CNTNAP2: variants seen among roughly 807,000 people sequenced by gnomAD.
CNTNAP2 encodes contactin-associated protein-like 2.
Under a neutral mutation model 155.2 loss-of-function variants are expected in CNTNAP2, and 98 were observed. That is an observed-to-expected ratio of 0.63 (90% confidence interval 0.54 to 0.75). CNTNAP2 has a LOEUF of 0.75. Among genes scored for constraint, CNTNAP2 ranks in the 30% least tolerant of loss-of-function variants. The pLI is 0.00. For synonymous variants in CNTNAP2, 651 were observed against 631.2 expected (o/e 1.03, Z -0.47); for missense variants, 1,727 against 1,688.1 (o/e 1.02, Z -0.40).
chr7:148,387,845 T>C (rs1799250821), intron 22 of CNTNAP2, among the ~76,000 whole-genome samples: 2 of 151,806 alleles, frequency 1.3e-5, no homozygotes, highest in South Asian at 4.2e-4. Context: ...AGGGGCTGGG[T>C]AAAATAAAGC....
At chr7:148,153,838 G>A (rs962787151) in intron 17 of CNTNAP2, among the ~76,000 whole-genome samples, 4 of 152,212 alleles carry the variant, frequency 2.6e-5, no homozygotes, top group Admixed American at 1.3e-4. Flanking sequence ...CCACTGCGGG[G>A]AGCCAAGCAG....
rs60402262 is a variant in CNTNAP2, at chr7:146,430,175, GTT to G, written c.97+313214_97+313215del. On this transcript the variant is annotated intron_variant, in intron 1 of 23. Coordinates refer to ENST00000361727, the MANE Select transcript of CNTNAP2 (RefSeq NM_014141.6). ...TGTTCATCAAGGATATTTGCCTGAA[GTT>G]TTTTTTTTTTTGTTTTATTTTTTTA... 3.9e-3 allele frequency among the ~76,000 whole-genome samples: 564 copies of G among 145,962 alleles called. 2 individuals carry two copies. The highest frequency in any genetic ancestry group is 0.012 in the African/African-American group (470 of 40,012).
At chr7:147,558,949 G>A (rs1190842187) in intron 11 of CNTNAP2, among the ~76,000 whole-genome samples, 1 of 152,098 alleles carries the variant, frequency 6.6e-6, no homozygotes, top group African/African-American at 2.4e-5. Flanking sequence ...CACCATGTTG[G>A]CCAGGATGCT....
chr7:147,683,717 T>C (rs1179265511), intron 13 of CNTNAP2, among the ~76,000 whole-genome samples: 1 of 146,978 alleles, frequency 6.8e-6, no homozygotes, highest in East Asian at 2.0e-4. Context: ...ACTTGTTATG[T>C]ACACACTCAA....
intron 18 of CNTNAP2, among the ~76,000 whole-genome samples, chr7:148,194,966 T>A (rs1445033095): frequency 6.6e-6 from 1 of 152,240 alleles, no homozygotes; most frequent in Middle Eastern, 3.4e-3. Context: ...AGATGACACA[T>A]GATATTAACC....
At chr7:147,588,982 G>A (rs1584835256) in intron 12 of CNTNAP2, among the ~76,000 whole-genome samples, 1 of 152,156 alleles carries the variant, frequency 6.6e-6, no homozygotes, top group African/African-American at 2.4e-5. Context: ...TTCATGGAGA[G>A]GGTGATTGGC....
intron 13 of CNTNAP2, among the ~76,000 whole-genome samples, chr7:147,826,750 G>A (rs181625603): frequency 6.6e-6 from 1 of 152,006 alleles, no homozygotes; most frequent in African/African-American, 2.4e-5. Flanking sequence ...TTTTTGAAGT[G>A]AAAAAATATG....
chr7:146,974,717 G>A (rs549511534), intron 3 of CNTNAP2, among the ~76,000 whole-genome samples: 13 of 152,186 alleles, frequency 8.5e-5, no homozygotes, highest in African/African-American at 3.1e-4. Context: ...GCAAGAATAG[G>A]ACTGGGCACA....
intron 13 of CNTNAP2, among the ~76,000 whole-genome samples, chr7:147,854,174 C>T (rs1798998012): frequency 6.6e-6 from 1 of 152,150 alleles, no homozygotes; most frequent in Non-Finnish European, 1.5e-5. Flanking sequence ...TGTGCTTCCT[C>T]TTTCTGAGGG....
At chr7:148,189,880 G>T (rs1408202793) in intron 18 of CNTNAP2, 1 of 152,192 alleles carries the variant, frequency 6.6e-6, no homozygotes, top group Non-Finnish European at 1.5e-5. Context: ...CACTCTTGCA[G>T]CTGGGTAACT....
chr7:146,273,442 A>G (rs1439751592), intron 1 of CNTNAP2, among the ~76,000 whole-genome samples: 1 of 152,180 alleles, frequency 6.6e-6, no homozygotes, highest in African/African-American at 2.4e-5. Context: ...CACACAATAT[A>G]TGTCTCAAAT....
At chr7:147,578,364 C>T (rs1208373197) in intron 12 of CNTNAP2, among the ~76,000 whole-genome samples, 2 of 152,054 alleles carry the variant, frequency 1.3e-5, no homozygotes, top group African/African-American at 4.8e-5. Context: ...CTTGTCATGG[C>T]CACACTAAGC....
At position 147,808,019 on chromosome 7, in the gene CNTNAP2, C is replaced by T. The variant is rs111870714; in HGVS notation, c.2099-95546C>T. On this transcript the variant is annotated intron_variant, in intron 13 of 23. Transcript: ENST00000361727. ...AAAAATAAAAAGTAGTTTGAGACTT[C>T]TGTGATTCTCTGTAAATAAATTTTG... Among the ~76,000 whole-genome samples the T allele has an allele frequency of 3.3e-5, 5 of 152,052 alleles. 1 individual carries two copies. Among genetic ancestry groups the T allele is most frequent in the African/African-American group, 9.6e-5 (4 of 41,476 alleles).
intron 15 of CNTNAP2, among the ~76,000 whole-genome samples, chr7:148,055,613 GC>G (rs1563182962): frequency 6.6e-6 from 1 of 152,140 alleles, no homozygotes. Flanking sequence ...ATATATATTA[GC>G]TACATCTATT....
intron 1 of CNTNAP2, among the ~76,000 whole-genome samples, chr7:146,681,512 AGGGTGGGAG>A (rs1433449361): frequency 1.6e-5 from 1 of 61,506 alleles, no homozygotes; most frequent in African/African-American, 7.0e-5. Context: ...GGGGAGTGGG[AGGGTGGGAG>A]GGGTGGGAGG....
chr7:148,324,335 C>T (rs555749401), intron 21 of CNTNAP2, among the ~76,000 whole-genome samples: 2 of 152,314 alleles, frequency 1.3e-5, no homozygotes, highest in African/African-American at 2.4e-5. Context: ...CTGTCACCTT[C>T]TCCTGGCCTT....
intron 9 of CNTNAP2, among the ~76,000 whole-genome samples, chr7:147,343,911 G>A (rs1795803673): frequency 6.6e-6 from 1 of 152,118 alleles, no homozygotes; most frequent in Non-Finnish European, 1.5e-5. Context: ...ATCAAGACCA[G>A]TCATTTGGAG....
In CNTNAP2 at chr7:146,494,694, G is replaced by T. The variant is rs560369738; in HGVS notation, c.98-279577G>T. Among the ~76,000 whole-genome samples, 13 of 152,190 alleles carry T rather than the reference G, an allele frequency of 8.5e-5. No homozygotes were observed. In the South Asian group the frequency reaches 2.5e-3, roughly 29 times the overall value. ...CATGTTCTAATTAACCTGAGTGGGG[G>T]TCTTAAAGGATTCCTGGTCAACTGT... On this transcript the variant is annotated intron_variant, in intron 1 of 23. Transcript: ENST00000361727.
intron 12 of CNTNAP2, among the ~76,000 whole-genome samples, chr7:147,611,365 T>C (rs1801181072): frequency 6.6e-6 from 1 of 152,204 alleles, no homozygotes; most frequent in Non-Finnish European, 1.5e-5. Context: ...ACCACATCCC[T>C]ACCCAGTGTG....
Sources: gnomAD v4.1 joint callset for allele counts (sites outside exome capture counted in the v4.1 genomes callset) on GRCh38, gnomAD v4.1.1 for gene constraint, MANE v1.5 for transcripts, NCBI Gene and HGNC (gene_info 2026-07-23, HGNC 2026-07-21) for gene names.